Variants in FXR1 observed in about 807,000 individuals in gnomAD.
FXR1 encodes the protein FMR1 autosomal homolog 1.
Under a neutral mutation model 84.0 loss-of-function variants are expected in FXR1, and 15 were observed. The ratio of observed to expected loss-of-function variants is 0.18; its 90% CI spans 0.12 to 0.27. The LOEUF (loss-of-function observed/expected upper bound fraction) is 0.27. Ranked by LOEUF, FXR1 falls within the 10% of genes least tolerant of loss-of-function variation. FXR1 has a pLI of 1.00. For synonymous variants in FXR1, 245 were observed against 250.7 expected (o/e 0.98, Z 0.21); for missense variants, 480 against 774.4 (o/e 0.62, Z 4.51).
intron 10 of FXR1, among the ~76,000 whole-genome samples, chr3:180,960,100 T>C (rs1017252324): frequency 2.0e-5 from 3 of 152,180 alleles, no homozygotes; most frequent in African/African-American, 7.2e-5. Context: ...TATGTTTCTT[T>C]AAAGAAGAAA....
rs1007693611 is a variant in FXR1 at position 180,925,050 on chromosome 3, A to G, written c.52-8284A>G. On this transcript the variant is annotated intron_variant, in intron 1 of 16. Coordinates refer to ENST00000357559, the MANE Select transcript of FXR1 (RefSeq NM_005087.4). Reference sequence around the variant, plus strand: ...TTCCTCAGTGCCATGGAGAGTATTGATGTTGTAAACCTACTTTAAAAGGGC... The same window carrying G: ...TTCCTCAGTGCCATGGAGAGTATTGGTGTTGTAAACCTACTTTAAAAGGGC... Among the ~76,000 whole-genome samples the G allele has an allele frequency of 5.3e-5, 8 of 152,040 alleles. No homozygotes were observed. In the South Asian group the frequency reaches 1.7e-3, roughly 32 times the overall value.
At chr3:180,950,323 C>G (rs1805577) in intron 7 of FXR1, among the ~76,000 whole-genome samples, 25,414 of 152,186 alleles carry the variant, frequency 0.17, 2,405 homozygotes, top group South Asian at 0.25. Context: ...CTGCCTGTAT[C>G]TGGAAAAGTG....
At chr3:180,918,566 A>G (rs796497450) in intron 1 of FXR1, among the ~76,000 whole-genome samples, 5 of 152,320 alleles carry the variant, frequency 3.3e-5, no homozygotes, top group Admixed American at 2.0e-4. Context: ...AAGGTTGTCA[A>G]ATTAGCTTTT....
At position 180,976,128 on chromosome 3, in the gene FXR1, G is replaced by C. The variant is rs1433227737; in HGVS notation, c.1702G>C (p.Asp568His). The C allele has an allele frequency of 1.9e-6, 3 of 1,603,002 alleles. No individual in the cohort carries two copies. The highest frequency in any genetic ancestry group is 3.5e-5 in the Admixed American group (2 of 57,370). ...LAKNKKEMAK[D>H]VIEEHGPSEK... Reference sequence around the variant, plus strand: ...AGTTGTCTCCCTTTGGCAGGCAAAAGATGTGATTGAAGAGCATGGTCCTTC... The same window carrying C: ...AGTTGTCTCCCTTTGGCAGGCAAAACATGTGATTGAAGAGCATGGTCCTTC... Residue 568 changes from aspartate to histidine, a missense_variant, in exon 17 of 17, where the codon GAT becomes CAT. Around this residue, in one of 6 missense-constraint regions of FXR1, gnomAD observed 94 missense variants for 81.8 expected, o/e 1.15. Transcript: ENST00000357559.
At chr3:180,958,877 G>A (rs1459020038) in intron 10 of FXR1, among the ~76,000 whole-genome samples, 1 of 148,908 alleles carries the variant, frequency 6.7e-6, no homozygotes, top group Non-Finnish European at 1.5e-5. Flanking sequence ...GCATGATCTC[G>A]GCTCACTGCA....
intron 1 of FXR1, among the ~76,000 whole-genome samples, chr3:180,931,739 G>GTTTT (rs5854881): frequency 3.0e-5 from 3 of 101,436 alleles, no homozygotes; most frequent in African/African-American, 4.2e-5. Context: ...GTTGTTGTGG[G>GTTTT]TTTTTTTTTT....
At chr3:180,948,540 G>A (rs1398351643) in intron 5 of FXR1, 45 bp downstream of exon 5, 1 of 1,380,352 alleles carries the variant, frequency 7.2e-7, no homozygotes, top group East Asian at 2.3e-5. Flanking sequence ...GAATTAAGAA[G>A]ATTTTTCAGT....
rs540166845 is a variant in FXR1, at chr3:180,977,396, C to T, written c.*1104C>T. Reference sequence around the variant, plus strand: ...ATACATGTGATAATTAGCAAAAAAACCTAACAAAATTCTAATCAAAGGCAA... The same window carrying T: ...ATACATGTGATAATTAGCAAAAAAATCTAACAAAATTCTAATCAAAGGCAA... On this transcript the variant is annotated 3_prime_UTR_variant, in exon 17 of 17. Coordinates refer to ENST00000357559, the MANE Select transcript of FXR1 (RefSeq NM_005087.4). 6.6e-6 allele frequency: 1 copy of T among 151,716 alleles called. No homozygotes were observed. Among genetic ancestry groups the T allele is most frequent in the African/African-American group, 2.4e-5 (1 of 41,202 alleles). 9.4% of individuals were successfully genotyped at this position (151,716 alleles called of 1,614,324 possible). A position where few individuals can be genotyped will look rare whatever the true frequency, so the allele number is the denominator to read the frequency against.
At chr3:180,955,475 T>C (rs750904022) in intron 9 of FXR1, among the ~76,000 whole-genome samples, 38 of 152,166 alleles carry the variant, frequency 2.5e-4, no homozygotes, top group Non-Finnish European at 4.9e-4. Flanking sequence ...ATTATAATTA[T>C]ACAAAATATA....
chr3:180,925,615 T>A (rs141215135), intron 1 of FXR1, among the ~76,000 whole-genome samples: 90 of 152,288 alleles, frequency 5.9e-4, no homozygotes, highest in Non-Finnish European at 1.1e-3. Context: ...AGAGTGACAT[T>A]TATGTCCTGA....
At chr3:180,945,772 G>A (rs897524481) in intron 3 of FXR1, among the ~76,000 whole-genome samples, 1 of 152,176 alleles carries the variant, frequency 6.6e-6, no homozygotes, top group Non-Finnish European at 1.5e-5. Flanking sequence ...AGGATGATCT[G>A]GGTTCTTGTT....
chr3:180,916,630 ACTC>A (rs1371131449), intron 1 of FXR1, among the ~76,000 whole-genome samples: 1 of 151,928 alleles, frequency 6.6e-6, no homozygotes, highest in Non-Finnish European at 1.5e-5. Flanking sequence ...CTGGCCTCGA[ACTC>A]CTGACGTCAA....
At position 180,935,367 on chromosome 3, in the gene FXR1, T is replaced by G. The variant is rs906928552; in HGVS notation, c.198+136T>G. On this transcript the variant is annotated intron_variant, in intron 3 of 16. Coordinates refer to ENST00000357559, the MANE Select transcript of FXR1 (RefSeq NM_005087.4). ...TTCTTTCTATTGGTGGTAATAGCTG[T>G]GTAATACAGCAGTGCTTGAGTTTTG... The G allele has an allele frequency of 1.5e-5, 9 of 584,320 alleles. No homozygotes were observed. The African/African-American group carries it at 1.7e-4, about 11-fold the overall frequency. The allele number at this position is 584,320 out of a possible 1,614,324, so 36.2% of individuals were successfully genotyped here. A position where few individuals can be genotyped will look rare whatever the true frequency, so the allele number is the denominator to read the frequency against.
intron 1 of FXR1, among the ~76,000 whole-genome samples, chr3:180,922,119 CTT>C (rs1340159913): frequency 1.3e-5 from 2 of 152,094 alleles, no homozygotes; most frequent in East Asian, 1.9e-4. Context: ...TAGACATACA[CTT>C]TGTTTTCAGT....
chr3:180,927,677 GAGTAGATCTTCAT>G (rs1273359034), intron 1 of FXR1: 1 of 524,254 alleles, frequency 1.9e-6, no homozygotes, highest in Non-Finnish European at 3.3e-6. Context: ...AAAAAAAAAT[GAGTAGATCTTCAT>G]AGTAAGGTAG....
intron 1 of FXR1, chr3:180,927,738 C>A: frequency 2.3e-6 from 1 of 442,018 alleles, no homozygotes; most frequent in South Asian, 5.6e-5. Flanking sequence ...AAGCGAAGTT[C>A]AGAACAAATT....
Position 180,981,667 on chromosome 3 carries a change from T to C in FXR1, c.*5375T>C, listed in dbSNP as rs192718619. 4.6e-5 allele frequency: 7 copies of C among 152,108 alleles called. No homozygotes were observed. Among genetic ancestry groups the C allele is most frequent in the Admixed American group, 4.6e-4 (7 of 15,266 alleles). The allele number at this position is 152,108 out of a possible 1,614,324, so 9.4% of individuals were successfully genotyped here. A position where few individuals can be genotyped will look rare whatever the true frequency, so the allele number is the denominator to read the frequency against. On this transcript the variant is annotated 3_prime_UTR_variant, in exon 17 of 17. Coordinates refer to ENST00000357559, the MANE Select transcript of FXR1 (RefSeq NM_005087.4). ...ATGAGGACTAATATGAACAGCAAAT[T>C]GGAGAAGACACCAAGGACCTAATTT...
intron 1 of FXR1, among the ~76,000 whole-genome samples, chr3:180,921,343 A>G (rs978486835): frequency 6.7e-6 from 1 of 150,274 alleles, no homozygotes; most frequent in Non-Finnish European, 1.5e-5. Flanking sequence ...ACGCCACTGC[A>G]CTCCAGCCTG....
At chr3:180,941,337 C>T (rs539860453) in intron 3 of FXR1, among the ~76,000 whole-genome samples, 17 of 151,978 alleles carry the variant, frequency 1.1e-4, no homozygotes, top group Admixed American at 2.6e-4. Flanking sequence ...GGATCATAGG[C>T]GTGTGCTACC....
Sources: gnomAD v4.1 joint callset for allele counts (sites outside exome capture counted in the v4.1 genomes callset) on GRCh38, gnomAD v4.1.1 for gene constraint, gnomAD v4.1.1 regional missense constraint, MANE v1.5 for transcripts, NCBI Gene and HGNC (gene_info 2026-07-23, HGNC 2026-07-21) for gene names.